PACS1: variants seen among roughly 807,000 people sequenced by gnomAD.
The protein encoded by PACS1 is phosphofurin acidic cluster sorting protein 1.
Under a neutral mutation model 115.0 loss-of-function variants are expected in PACS1, and 24 were observed. The observed-to-expected ratio is 0.21, with a 90% CI of 0.15 to 0.29. The LOEUF (loss-of-function observed/expected upper bound fraction) is 0.29, where lower values mean the gene tolerates loss of function less well. Among genes scored for constraint, PACS1 ranks in the 10% least tolerant of loss-of-function variants. The pLI is 1.00. For missense variants in PACS1, 838 were observed against 1,251.2 expected (o/e 0.67, Z 4.98); for synonymous variants, 453 against 504.5 (o/e 0.90, Z 1.37).
rs1244127983 is a variant in PACS1 at position 66,243,579 on chromosome 11, C to A, written c.*299C>A. 5 of 342,476 alleles carry A rather than the reference C, an allele frequency of 1.5e-5. No individual in the cohort carries two copies. The highest frequency in any genetic ancestry group is 1.0e-4 in the African/African-American group (5 of 48,028). The allele number at this position is 342,476 out of a possible 1,614,324, so 21.2% of individuals were successfully genotyped here. On this transcript the variant is annotated 3_prime_UTR_variant, in exon 24 of 24. Transcript: ENST00000320580. ...AGTCCCCTGGACTGAGTCCCCCAGGCCTTCCTTCACCCGACTTCCAAACTC... is the reference window on the plus strand; with the variant it reads ...AGTCCCCTGGACTGAGTCCCCCAGGACTTCCTTCACCCGACTTCCAAACTC...
rs1402914651 is a variant in PACS1, at chr11:66,244,492, C to G, written c.*1212C>G. On this transcript the variant is annotated 3_prime_UTR_variant, in exon 24 of 24. Transcript: ENST00000320580. ...CAGCCCTCTGCACCCCCCAGCCCGG[C>G]CATCTGCGCCCCACAGCCCCTTTGG... 1 of 152,468 alleles carries G rather than the reference C, an allele frequency of 6.6e-6. No individual in the cohort carries two copies. Among genetic ancestry groups the G allele is most frequent in the Non-Finnish European group, 1.5e-5 (1 of 68,216 alleles). 9.4% of individuals were successfully genotyped at this position (152,468 alleles called of 1,614,324 possible).
At chr11:66,156,064 A>G (rs1188075926) in intron 1 of PACS1, among the ~76,000 whole-genome samples, 1 of 151,752 alleles carries the variant, frequency 6.6e-6, no homozygotes, top group African/African-American at 2.4e-5. Flanking sequence ...GAAGATTGCA[A>G]AGAGGCGTAA....
chr11:66,111,449 AT>A (rs1858184646), intron 1 of PACS1, among the ~76,000 whole-genome samples: 1 of 152,166 alleles, frequency 6.6e-6, no homozygotes, highest in South Asian at 2.1e-4. Context: ...CTCCAGACTT[AT>A]GTATCCAAGT....
At chr11:66,076,591 C>T (rs143254875) in intron 1 of PACS1, among the ~76,000 whole-genome samples, 2 of 152,122 alleles carry the variant, frequency 1.3e-5, no homozygotes, top group African/African-American at 4.8e-5. Flanking sequence ...CGGGGTTTCC[C>T]CATGTTGGCC....
rs746562368 is a variant in PACS1 at position 66,239,205 on chromosome 11, C to T, written c.2357C>T (p.Ser786Leu). The T allele has an allele frequency of 9.3e-6, 15 of 1,614,004 alleles. No individual in the cohort carries two copies. Among genetic ancestry groups the T allele is most frequent in the African/African-American group, 2.7e-5 (2 of 74,940 alleles). Residue 786 changes from serine (S) to leucine (L), a missense_variant, in exon 21 of 24, where the codon TCG (serine) becomes TTG (leucine). Around this residue, in one of 6 missense-constraint regions of PACS1, gnomAD observed 383 missense variants for 537.0 expected, o/e 0.71. Transcript: ENST00000320580. ...CCCTCCACATCACCACCCTCCAGCT[C>T]GGGCCTGAGCCGAGACGCCACGGCC... ...TVPSTSPPSS[S>L]GLSRDATATP...
intron 1 of PACS1, among the ~76,000 whole-genome samples, chr11:66,167,134 C>G (rs190334762): frequency 1.3e-5 from 2 of 150,176 alleles, no homozygotes; most frequent in South Asian, 4.1e-4. Context: ...TGCATTTCCC[C>G]GATTCCTAAT....
intron 7 of PACS1, chr11:66,219,464 T>G (rs1855289889): frequency 1.8e-6 from 1 of 560,564 alleles, no homozygotes; most frequent in South Asian, 1.7e-5. Context: ...GAGAAAGGGA[T>G]GAGCTGGAGA....
At chr11:66,086,492 A>G (rs1007158266) in intron 1 of PACS1, among the ~76,000 whole-genome samples, 1 of 152,104 alleles carries the variant, frequency 6.6e-6, no homozygotes, top group African/African-American at 2.4e-5. Context: ...TTTTACTTAG[A>G]TGATGTGTCT....
intron 1 of PACS1, among the ~76,000 whole-genome samples, chr11:66,099,609 G>A (rs114675145): frequency 0.014 from 1,974 of 142,884 alleles, 56 homozygotes; most frequent in African/African-American, 0.048. Context: ...ACAGTCGCTC[G>A]ATATCAGCTC....
chr11:66,089,229 C>T (rs886369808), intron 1 of PACS1, among the ~76,000 whole-genome samples: 2 of 152,172 alleles, frequency 1.3e-5, no homozygotes, highest in African/African-American at 4.8e-5. Context: ...AGTGAATTCT[C>T]AATCATTGTG....
At chr11:66,139,682 T>C (rs1858934952) in intron 1 of PACS1, among the ~76,000 whole-genome samples, 1 of 152,170 alleles carries the variant, frequency 6.6e-6, no homozygotes, top group Admixed American at 6.6e-5. Flanking sequence ...ATCCAAAGGA[T>C]CACATTCTTT....
intron 1 of PACS1, among the ~76,000 whole-genome samples, chr11:66,101,137 A>T (rs2134528557): frequency 6.6e-6 from 1 of 152,380 alleles, no homozygotes; most frequent in South Asian, 2.1e-4. Context: ...TTTCTGGAAG[A>T]ATGGAAGATT....
chr11:66,167,162 G>A (rs769547397), intron 1 of PACS1, among the ~76,000 whole-genome samples: 10 of 149,996 alleles, frequency 6.7e-5, no homozygotes, highest in Non-Finnish European at 1.0e-4. Flanking sequence ...GCATATTTTT[G>A]TATATTTATT....
At chr11:66,241,695 C>A in intron 22 of PACS1, 42 bp downstream of exon 22, 1 of 1,490,936 alleles carries the variant, frequency 6.7e-7, no homozygotes, top group East Asian at 2.3e-5. Context: ...GGCCACCAGG[C>A]CTCCCGTCTC....
intron 19 of PACS1, among the ~76,000 whole-genome samples, chr11:66,237,291 G>A (rs562836808): frequency 2.6e-5 from 4 of 151,972 alleles, no homozygotes; most frequent in Admixed American, 2.6e-4. Context: ...CAAACTCTTG[G>A]ACTCAGGAGA....
At chr11:66,214,235 T>C (rs189222741) in intron 4 of PACS1, among the ~76,000 whole-genome samples, 1 of 152,246 alleles carries the variant, frequency 6.6e-6, no homozygotes, top group East Asian at 1.9e-4. Context: ...TTTGAGATAG[T>C]TCCAGCCCGT....
At chr11:66,147,454 A>T (rs1362845148) in intron 1 of PACS1, among the ~76,000 whole-genome samples, 1 of 152,200 alleles carries the variant, frequency 6.6e-6, no homozygotes, top group Non-Finnish European at 1.5e-5. Context: ...GTAAGATAAT[A>T]TATAAAAATA....
rs10692760 is a variant in PACS1 at position 66,079,303 on chromosome 11, GT to G, written c.356+8479del. On this transcript the variant is annotated intron_variant, in intron 1 of 23. Coordinates refer to ENST00000320580, the MANE Select transcript of PACS1 (RefSeq NM_018026.4). The stretch of plus-strand genomic sequence containing the variant: ...GTAGGTGAGACATTCTTTGTAGCAG[GT>G]TTTTTTTTTTTTTTTTTAATAGTTT... Among the ~76,000 whole-genome samples, 1,546 of 110,372 alleles carry G rather than the reference GT, an allele frequency of 0.014. 58 individuals are homozygous for G. The East Asian group carries it at 0.18, about 13-fold the overall frequency. The allele number at this position is 110,372 out of a possible 152,430, so 72.4% of individuals were successfully genotyped here.
At chr11:66,199,666 A>T (rs543589433) in intron 2 of PACS1, among the ~76,000 whole-genome samples, 12 of 152,328 alleles carry the variant, frequency 7.9e-5, no homozygotes, top group South Asian at 2.1e-4. Context: ...CAATAATAAC[A>T]TTGAATGTAA....
Sources: gnomAD v4.1 joint callset for allele counts (sites outside exome capture counted in the v4.1 genomes callset) on GRCh38, gnomAD v4.1.1 for gene constraint, gnomAD v4.1.1 regional missense constraint, MANE v1.5 for transcripts, NCBI Gene and HGNC (gene_info 2026-07-23, HGNC 2026-07-21) for gene names.